The following CPEB2 variants were observed in gnomAD, a reference collection of about 807,000 sequenced individuals.
CPEB2 encodes the protein cytoplasmic polyadenylation element binding protein 2.
Under a neutral mutation model 93.6 loss-of-function variants are expected in CPEB2, and 56 were observed. The observed-to-expected ratio is 0.60, with a 90% CI of 0.48 to 0.75. The LOEUF (loss-of-function observed/expected upper bound fraction) is 0.75, where lower values mean the gene tolerates loss of function less well. Ranked by LOEUF, CPEB2 falls within the 30% of genes least tolerant of loss-of-function variation. The probability of loss-of-function intolerance (pLI) is 0.00; values close to 1 mark genes in which losing one functional copy is unlikely to be tolerated. For missense variants in CPEB2, 1,579 were observed against 1,395.1 expected (o/e 1.13, Z -2.10); for synonymous variants, 764 against 586.3 (o/e 1.30, Z -4.38).
Position 15,058,390 on chromosome 4 carries a change from CAT to C in CPEB2, c.2462-28_2462-27del, listed in dbSNP as rs778326299. On this transcript the variant is annotated intron_variant, in intron 8 of 11. Transcript: ENST00000538197. ...TTTGGAGTAAAATCACTTGGCTTGA[CAT>C]ATTGCCTCATCTTTAATGGTTATTC... The C allele has an allele frequency of 7.8e-6, 10 of 1,287,460 alleles. No individual in the cohort carries two copies. The Admixed American group carries it at 1.8e-4, about 23-fold the overall frequency. 79.8% of individuals were successfully genotyped at this position (1,287,460 alleles called of 1,614,324 possible). A position where few individuals can be genotyped will look rare whatever the true frequency, so the allele number is the denominator to read the frequency against.
chr4:15,027,367 G>A (rs1216175284), intron 4 of CPEB2, among the ~76,000 whole-genome samples: 2 of 152,214 alleles, frequency 1.3e-5, no homozygotes, highest in Non-Finnish European at 2.9e-5. Flanking sequence ...GGTAAGGAAT[G>A]ATTCTGTTGC....
intron 3 of CPEB2, among the ~76,000 whole-genome samples, chr4:15,011,744 A>G (rs1194460575): frequency 1.3e-5 from 2 of 152,346 alleles, no homozygotes; most frequent in South Asian, 2.1e-4. Context: ...ATTACTTACA[A>G]GTTTACATAT....
chr4:15,046,463 T>G (rs1463033804), intron 6 of CPEB2, among the ~76,000 whole-genome samples: 6 of 152,160 alleles, frequency 3.9e-5, no homozygotes, highest in Non-Finnish European at 7.3e-5. Context: ...TCACCTCAGG[T>G]GATCTGCCTG....
intron 3 of CPEB2, among the ~76,000 whole-genome samples, chr4:15,015,753 G>C (rs1724060168): frequency 6.6e-6 from 1 of 151,948 alleles, no homozygotes; most frequent in Non-Finnish European, 1.5e-5. Flanking sequence ...TACGTTCCAA[G>C]ACAATCAGTG....
In CPEB2 at chr4:15,062,182, T is replaced by A. The variant is rs181558852; in HGVS notation, c.2799T>A (p.Ala933=). ...LKYPKGAGRV[A]FSNQQSYIAA... Reference sequence around the variant, plus strand: ...ACCCAAAAGGTGCTGGGCGAGTTGCTTTCTCCAATCAGCAGAGCTATATTG... The same window carrying A: ...ACCCAAAAGGTGCTGGGCGAGTTGCATTCTCCAATCAGCAGAGCTATATTG... Residue 933 remains alanine (A), a synonymous_variant, in exon 11 of 12, where the codon GCT becomes GCA. Transcript: ENST00000538197. 6.2e-7 allele frequency: 1 copy of A among 1,613,146 alleles called. No homozygotes were observed. The highest frequency in any genetic ancestry group is 8.5e-7 in the Non-Finnish European group (1 of 1,179,370).
In CPEB2 at chr4:15,002,897, G is replaced by T; in HGVS notation, c.224G>T (p.Ser75Ile). 6.6e-7 allele frequency: 1 copy of T among 1,509,778 alleles called. No homozygotes were observed. The highest frequency in any genetic ancestry group is 8.8e-7 in the Non-Finnish European group (1 of 1,139,912). 93.5% of individuals were successfully genotyped at this position (1,509,778 alleles called of 1,614,324 possible). The change falls in exon 1 of 12, where the codon AGC becomes ATC. Residue 75 changes from serine to isoleucine, a missense_variant. Physicochemically the swap from Ser to Ile is moderately radical, Grantham distance 142. Around this residue, in one of 2 missense-constraint regions of CPEB2, gnomAD observed 1,411 missense variants for 1,056.0 expected, o/e 1.34. Transcript: ENST00000538197. ...FSVPLGGGAG[S>I]PAAAASSSSP... The stretch of plus-strand genomic sequence containing the variant: ...GTCCCCCTCGGCGGCGGCGCGGGCA[G>T]CCCGGCCGCCGCCGCTTCCTCTTCC...
chr4:15,017,244 C>T lies in CPEB2; in HGVS notation c.2091C>T (p.Ile697=), dbSNP rs570297550. 10 of 1,601,216 alleles carry T rather than the reference C, an allele frequency of 6.2e-6. 1 individual carries two copies. The highest frequency in any genetic ancestry group is 2.2e-5 in the East Asian group (1 of 44,618). The stretch of plus-strand genomic sequence containing the variant: ...TGCACTCTTTGGAAAATTCCCTTAT[C>T]GATATTATGAGAGCAGAGCATGATC... ...LNMHSLENSL[I]DIMRAEHDPL... The change falls in exon 4 of 12, where the codon ATC becomes ATT. Residue 697 remains isoleucine, a synonymous_variant. Transcript: ENST00000538197.
rs1394255135 is a variant in CPEB2, at chr4:15,003,783, C to G, written c.1110C>G (p.Ser370=). 1.9e-6 allele frequency: 2 copies of G among 1,067,052 alleles called. No individual in the cohort carries two copies. Among genetic ancestry groups the G allele is most frequent in the Admixed American group, 4.6e-5 (1 of 21,664 alleles). The allele number at this position is 1,067,052 out of a possible 1,614,324, so 66.1% of individuals were successfully genotyped here. Residue 370 remains serine, a synonymous_variant, in exon 1 of 12, where the codon TCC becomes TCG. Transcript: ENST00000538197. The stretch of plus-strand genomic sequence containing the variant: ...CAGGAGGCGGAGGGGGAGGCGGCTC[C>G]GCGTCGCCGCCGCCGCTGCCCGGCT... ...GPPGGGGGGG[S]ASPPPLPGFG...
At position 15,069,891 on chromosome 4, in the gene CPEB2, A is replaced by T. The variant is rs2109128171; in HGVS notation, c.*3511A>T. 1 of 152,212 alleles carries T rather than the reference A, an allele frequency of 6.6e-6. No homozygotes were observed. Among genetic ancestry groups the T allele is most frequent in the Non-Finnish European group, 1.5e-5 (1 of 67,724 alleles). 9.4% of individuals were successfully genotyped at this position (152,212 alleles called of 1,614,324 possible). ...ATTTTATATTCCTAATGGGGTGTTA[A>T]AGCCGTTTTTTATTTTTTTCTAAAT... On this transcript the variant is annotated 3_prime_UTR_variant, in exon 12 of 12. Transcript: ENST00000538197.
At chr4:15,014,043 C>T (rs1723816447) in intron 3 of CPEB2, among the ~76,000 whole-genome samples, 1 of 151,994 alleles carries the variant, frequency 6.6e-6, no homozygotes, top group East Asian at 1.9e-4. Flanking sequence ...GGATGTTTCT[C>T]TTTCATACTT....
intron 3 of CPEB2, 89 bp downstream of exon 3, chr4:15,008,516 A>G: frequency 1.3e-6 from 1 of 797,158 alleles, no homozygotes; most frequent in Non-Finnish European, 2.0e-6. Flanking sequence ...CTTTCTTATT[A>G]TACCTATTGA....
chr4:15,004,037 C>G lies in CPEB2; in HGVS notation c.1364C>G (p.Ser455Trp), dbSNP rs776455934. 1.3e-6 allele frequency: 2 copies of G among 1,564,666 alleles called. No individual in the cohort carries two copies. Among genetic ancestry groups the G allele is most frequent in the South Asian group, 2.3e-5 (2 of 86,474 alleles). ...AACGGCTTCTACCCCGGGCTGCCGT[C>G]GTCCATGAACCCGGCCTTCTTCCCT... is the stretch of plus-strand genomic sequence containing the variant. The part of the protein sequence containing the change: ...SENGFYPGLP[S>W]SMNPAFFPSF... Residue 455 changes from serine to tryptophan, a missense_variant, in exon 1 of 12, where the codon TCG becomes TGG. Coordinates refer to ENST00000538197, the MANE Select transcript of CPEB2 (RefSeq NM_001177382.2).
At chr4:15,049,341 C>A (rs893740691) in intron 6 of CPEB2, among the ~76,000 whole-genome samples, 1 of 151,806 alleles carries the variant, frequency 6.6e-6, no homozygotes, top group African/African-American at 2.4e-5. Context: ...TGAATACTTA[C>A]TGTATTTATG....
At chr4:15,050,384 C>G (rs1041667005) in intron 6 of CPEB2, among the ~76,000 whole-genome samples, 2 of 152,054 alleles carry the variant, frequency 1.3e-5, no homozygotes, top group Non-Finnish European at 2.9e-5. Context: ...TCCCTGGTGC[C>G]GAAAAGGTTG....
Position 15,017,164 on chromosome 4 carries a change from G to T in CPEB2, c.2035-24G>T, listed in dbSNP as rs777155910. ...TTGAAAAAACTGCATAGATTATAAT[G>T]TCTTTTTTCCTCTTCTCTTCCAGGA... On this transcript the variant is annotated intron_variant, in intron 3 of 11. Coordinates refer to ENST00000538197, the MANE Select transcript of CPEB2 (RefSeq NM_001177382.2). The T allele has an allele frequency of 2.3e-6, 3 of 1,330,478 alleles. 1 individual carries two copies. Among genetic ancestry groups the T allele is most frequent in the Middle Eastern group, 3.7e-4 (2 of 5,462 alleles). 82.4% of individuals were successfully genotyped at this position (1,330,478 alleles called of 1,614,324 possible).
intron 6 of CPEB2, among the ~76,000 whole-genome samples, chr4:15,051,123 A>G (rs1437222252): frequency 2.6e-5 from 4 of 151,776 alleles, no homozygotes; most frequent in South Asian, 2.1e-4. Flanking sequence ...TTTGTTTCCT[A>G]TCTGCTTGTG....
Position 15,004,116 on chromosome 4 carries a change from C to T in CPEB2, c.1443C>T (p.Ser481=). 3 of 1,369,248 alleles carry T rather than the reference C, an allele frequency of 2.2e-6. No individual in the cohort carries two copies. The highest frequency in any genetic ancestry group is 1.4e-5 in the South Asian group (1 of 72,470). 84.8% of individuals were successfully genotyped at this position (1,369,248 alleles called of 1,614,324 possible). Residue 481 remains serine (S), a synonymous_variant, in exon 1 of 12, where the codon AGC becomes AGT. Transcript: ENST00000538197. Reference sequence around the variant, plus strand: ...GCACTGGGCTCAGCGTTCCGACGAGCGGCGGCGGCGGCGGCGGCTTCGGCG... The same window carrying T: ...GCACTGGGCTCAGCGTTCCGACGAGTGGCGGCGGCGGCGGCGGCTTCGGCG... ...HGCTGLSVPT[S]GGGGGGFGGP...
At position 15,007,399 on chromosome 4, in the gene CPEB2, G is replaced by C; in HGVS notation, c.1757G>C (p.Arg586Pro). Reference sequence around the variant, plus strand: ...GGAGCAATGCATGGCAGAGATCATCGTAGAACCGGAAACATGGGAATCCCA... The same window carrying C: ...GGAGCAATGCATGGCAGAGATCATCCTAGAACCGGAAACATGGGAATCCCA... The part of the protein sequence containing the change: ...SWGAMHGRDH[R>P]RTGNMGIPGT... Residue 586 changes from arginine (R) to proline (P), a missense_variant, in exon 2 of 12, where the codon CGT becomes CCT. Physicochemically the swap from Arg to Pro is moderately radical, Grantham distance 103 (BLOSUM62 -2). This residue lies in a region of CPEB2 where 1,411 missense variants were observed against 1,056.0 expected (regional missense o/e 1.34). Coordinates refer to ENST00000538197, the MANE Select transcript of CPEB2 (RefSeq NM_001177382.2). 3 of 1,613,814 alleles carry C rather than the reference G, an allele frequency of 1.9e-6. No individual in the cohort carries two copies. The highest frequency in any genetic ancestry group is 2.5e-6 in the Non-Finnish European group (3 of 1,179,812).
chr4:15,067,426 C>CG lies in CPEB2; in HGVS notation c.*1048dup, dbSNP rs1729781876. The CG allele has an allele frequency of 6.6e-6, 1 of 152,240 alleles. No homozygotes were observed. The highest frequency in any genetic ancestry group is 2.4e-5 in the African/African-American group (1 of 41,348). 9.4% of individuals were successfully genotyped at this position (152,240 alleles called of 1,614,324 possible). A position where few individuals can be genotyped will look rare whatever the true frequency, so the allele number is the denominator to read the frequency against. ...AATCCCTGTGCAATTTTGTGACGTG[C>CG]GGTTCTAATTCATGTGCAGTGATAT... On this transcript the variant is annotated 3_prime_UTR_variant, in exon 12 of 12. Transcript: ENST00000538197.
Sources: gnomAD v4.1 joint callset for allele counts (sites outside exome capture counted in the v4.1 genomes callset) on GRCh38, gnomAD v4.1.1 for gene constraint, gnomAD v4.1.1 regional missense constraint, MANE v1.5 for transcripts, NCBI Gene and HGNC (gene_info 2026-07-23, HGNC 2026-07-21) for gene names.